PTPRT: variants seen among roughly 807,000 people sequenced by gnomAD.
The protein encoded by PTPRT is receptor-type tyrosine-protein phosphatase T.
A neutral mutation model predicts 176.8 loss-of-function variants in PTPRT; 56 were observed. The observed-to-expected ratio is 0.32, with a 90% confidence interval of 0.26 to 0.40. The LOEUF (loss-of-function observed/expected upper bound fraction) is 0.40, where lower values mean the gene tolerates loss of function less well. Ranked by LOEUF, PTPRT falls within the 10% of genes least tolerant of loss-of-function variation. The probability of loss-of-function intolerance (pLI) is 1.00; values close to 1 mark genes in which losing one functional copy is unlikely to be tolerated. For synonymous variants in PTPRT, 783 were observed against 739.0 expected (o/e 1.06, Z -0.96); for missense variants, 1,540 against 1,908.2 (o/e 0.81, Z 3.60).
At chr20:42,517,863 G>A (rs1601175255) in intron 7 of PTPRT, among the ~76,000 whole-genome samples, 2 of 152,058 alleles carry the variant, frequency 1.3e-5, no homozygotes, top group East Asian at 1.9e-4. Flanking sequence ...AGATTGAGTT[G>A]AGGATTCATT....
At chr20:42,490,143 T>C (rs544994073) in intron 7 of PTPRT, among the ~76,000 whole-genome samples, 46 of 152,192 alleles carry the variant, frequency 3.0e-4, no homozygotes, top group Non-Finnish European at 5.9e-4. Context: ...GGCTTAATAG[T>C]ATATTTTATA....
At chr20:42,873,440 A>G (rs1245823030) in intron 2 of PTPRT, among the ~76,000 whole-genome samples, 1 of 152,236 alleles carries the variant, frequency 6.6e-6, no homozygotes, top group Non-Finnish European at 1.5e-5. Flanking sequence ...AAAGAGAGAT[A>G]TCCCTGTTGG....
At chr20:42,112,302 C>T (rs1987042869) in intron 22 of PTPRT, among the ~76,000 whole-genome samples, 1 of 152,140 alleles carries the variant, frequency 6.6e-6, no homozygotes, top group Non-Finnish European at 1.5e-5. Flanking sequence ...TGGCTGCACA[C>T]AGCTCACAGT....
intron 1 of PTPRT, among the ~76,000 whole-genome samples, chr20:43,124,846 G>C (rs889827073): frequency 3.9e-5 from 6 of 152,212 alleles, no homozygotes; most frequent in Admixed American, 6.5e-5. Flanking sequence ...TGAAGTTCAT[G>C]AGCAAACGTG....
intron 1 of PTPRT, among the ~76,000 whole-genome samples, chr20:42,902,617 C>A (rs2079421036): frequency 6.6e-6 from 1 of 152,190 alleles, no homozygotes; most frequent in African/African-American, 2.4e-5. Context: ...AGGTACTTTC[C>A]AACCACTGCC....
the PTPRT span, among the ~76,000 whole-genome samples, chr20:42,062,029 C>G: frequency 6.6e-5 from 10 of 152,194 alleles, no homozygotes; most frequent in Non-Finnish European, 1.5e-4. Context: ...GGGAGGTGCC[C>G]TGGCCCAGCG....
intron 7 of PTPRT, among the ~76,000 whole-genome samples, chr20:42,477,535 C>T (rs2071311960): frequency 6.6e-6 from 1 of 152,144 alleles, no homozygotes; most frequent in African/African-American, 2.4e-5. Context: ...TGGGTAATTG[C>T]CTGCAGCATG....
intron 27 of PTPRT, among the ~76,000 whole-genome samples, chr20:42,091,268 G>A (rs1984589380): frequency 6.6e-6 from 1 of 152,174 alleles, no homozygotes; most frequent in South Asian, 2.1e-4. Context: ...TCCTTGGGGG[G>A]TGCAAGTTCA....
At chr20:42,327,429 A>G (rs1278160195) in intron 11 of PTPRT, among the ~76,000 whole-genome samples, 1 of 152,078 alleles carries the variant, frequency 6.6e-6, no homozygotes, top group Non-Finnish European at 1.5e-5. Flanking sequence ...AATGTGACCT[A>G]TATATTAGAT....
intron 12 of PTPRT, among the ~76,000 whole-genome samples, chr20:42,285,944 A>G (rs1205487163): frequency 6.6e-6 from 1 of 151,994 alleles, no homozygotes; most frequent in Non-Finnish European, 1.5e-5. Flanking sequence ...CATGAACAAT[A>G]AACTACCTAA....
chr20:42,886,637 C>T (rs902218403), intron 1 of PTPRT, among the ~76,000 whole-genome samples: 4 of 152,166 alleles, frequency 2.6e-5, no homozygotes, highest in Non-Finnish European at 5.9e-5. Context: ...AAAGCTTCTC[C>T]CTTTAACTTT....
chr20:42,490,216 G>A (rs191706122), intron 7 of PTPRT, among the ~76,000 whole-genome samples: 1 of 152,164 alleles, frequency 6.6e-6, no homozygotes, highest in African/African-American at 2.4e-5. Flanking sequence ...TGACTACTAT[G>A]ATTTTTCCCC....
chr20:42,536,042 G>A (rs2145561217), intron 7 of PTPRT, among the ~76,000 whole-genome samples: 1 of 152,104 alleles, frequency 6.6e-6, no homozygotes, highest in East Asian at 1.9e-4. Context: ...CATCCCTCAG[G>A]GAAGAAAGAA....
intron 2 of PTPRT, among the ~76,000 whole-genome samples, chr20:42,885,346 A>C (rs1245898719): frequency 6.8e-6 from 1 of 147,784 alleles, no homozygotes; most frequent in Admixed American, 6.8e-5. Context: ...TATAACACAC[A>C]ATAATAGATA....
chr20:42,690,616 C>T (rs957934432), intron 6 of PTPRT, among the ~76,000 whole-genome samples: 11 of 152,182 alleles, frequency 7.2e-5, no homozygotes, highest in Non-Finnish European at 1.2e-4. Context: ...CCTCAATTTC[C>T]CTGTGCAGTA....
intron 3 of PTPRT, among the ~76,000 whole-genome samples, chr20:42,786,977 C>T (rs2077300200): frequency 6.6e-6 from 1 of 152,184 alleles, no homozygotes; most frequent in African/African-American, 2.4e-5. Flanking sequence ...AAATCCAGCC[C>T]ACCACCTGTT....
At chr20:42,430,566 GGTGAT>G (rs1181736350) in intron 9 of PTPRT, among the ~76,000 whole-genome samples, 1 of 152,202 alleles carries the variant, frequency 6.6e-6, no homozygotes, top group African/African-American at 2.4e-5. Flanking sequence ...GGGCATGGCT[GGTGAT>G]GTATCATAAA....
At chr20:42,529,166 C>G (rs562035108) in intron 7 of PTPRT, among the ~76,000 whole-genome samples, 36 of 152,160 alleles carry the variant, frequency 2.4e-4, no homozygotes, top group Non-Finnish European at 4.4e-4. Flanking sequence ...TAAGATGTCA[C>G]GCATGGTGCA....
At chr20:42,419,984 A>G (rs1194445804) in intron 9 of PTPRT, among the ~76,000 whole-genome samples, 5 of 152,126 alleles carry the variant, frequency 3.3e-5, no homozygotes, top group African/African-American at 1.2e-4. Context: ...GCTGTGAAAA[A>G]GCCACGGCAC....
Sources: gnomAD v4.1 joint callset for allele counts (sites outside exome capture counted in the v4.1 genomes callset) on GRCh38, gnomAD v4.1.1 for gene constraint, MANE v1.5 for transcripts, NCBI Gene and HGNC (gene_info 2026-07-23, HGNC 2026-07-21) for gene names.